Variants in PLXDC1 observed in about 807,000 individuals in gnomAD.
PLXDC1 encodes plexin domain containing 1, also known as plexin domain-containing protein 1.
In PLXDC1, 39 loss-of-function variants were observed where a neutral mutation model predicts 61.3. The observed-to-expected ratio is 0.64, with a 90% CI of 0.49 to 0.83. PLXDC1 has a LOEUF of 0.83. Ranked by LOEUF, PLXDC1 falls within the 40% of genes least tolerant of loss-of-function variation. The pLI, the probability that PLXDC1 is intolerant of heterozygous loss-of-function variation, is 0.00. For synonymous variants in PLXDC1, 212 were observed against 254.5 expected, an observed-to-expected ratio of 0.83 and a Z score of 1.59; for missense variants, 596 against 666.5, an observed-to-expected ratio of 0.89 and a Z score of 1.17.
At chr17:39,095,116 C>T (rs745383510) in intron 7 of PLXDC1, among the ~76,000 whole-genome samples, 12 of 152,014 alleles carry the variant, frequency 7.9e-5, no homozygotes, top group African/African-American at 2.7e-4. Context: ...CCCCACCATC[C>T]GGGCTGGGGG....
intron 2 of PLXDC1, among the ~76,000 whole-genome samples, chr17:39,123,198 CT>C (rs1436562280): frequency 1.3e-5 from 2 of 151,996 alleles, no homozygotes; most frequent in African/African-American, 4.8e-5. Flanking sequence ...TGCAAGGTTC[CT>C]CTTTTTTTGA....
intron 2 of PLXDC1, among the ~76,000 whole-genome samples, chr17:39,117,592 A>C (rs556934258): frequency 6.6e-6 from 1 of 151,994 alleles, no homozygotes; most frequent in African/African-American, 2.4e-5. Context: ...AAATGCAAAA[A>C]TTAGCTGGGC....
At chr17:39,076,832 T>C (rs1909356677) in intron 11 of PLXDC1, among the ~76,000 whole-genome samples, 1 of 152,068 alleles carries the variant, frequency 6.6e-6, no homozygotes, top group Non-Finnish European at 1.5e-5. Flanking sequence ...ATCTCCCAGG[T>C]TTAAGCAATT....
rs542420879 is a variant in PLXDC1 at position 39,122,079 on chromosome 17, A to G, written c.256-12688T>C. 6.4e-4 allele frequency among the ~76,000 whole-genome samples: 78 copies of G among 122,534 alleles called. 1 individual carries two copies. In the South Asian group the frequency reaches 0.024, roughly 37 times the overall value. 80.4% of individuals were successfully genotyped at this position (122,534 alleles called of 152,430 possible). On this transcript the variant is annotated intron_variant, in intron 2 of 13. Coordinates refer to ENST00000315392, the MANE Select transcript of PLXDC1 (RefSeq NM_020405.5). ...GCCACTGCATTCTAGCCTGGTTGAC[A>G]GTTCAAGACTCTGTCAAAAAAAAAA...
intron 7 of PLXDC1, among the ~76,000 whole-genome samples, chr17:39,095,362 G>A (rs1365266191): frequency 2.4e-3 from 4 of 1,670 alleles, no homozygotes; most frequent in Non-Finnish European, 4.0e-3. Context: ...GAATCCTTAC[G>A]CCCCGCCCCC....
chr17:39,147,109 C>T (rs1186228687), intron 1 of PLXDC1, among the ~76,000 whole-genome samples: 1 of 151,936 alleles, frequency 6.6e-6, no homozygotes, highest in African/African-American at 2.4e-5. Flanking sequence ...GCATGTACCA[C>T]CACGCCCAGC....
chr17:39,086,556 G>T (rs756258822), intron 8 of PLXDC1, among the ~76,000 whole-genome samples: 1 of 152,110 alleles, frequency 6.6e-6, no homozygotes, highest in African/African-American at 2.4e-5. Flanking sequence ...CACTGGACAT[G>T]GTGGCTCACG....
At chr17:39,087,801 A>C in intron 7 of PLXDC1, 99 bp from the exon 8 acceptor site, 1 of 801,502 alleles carries the variant, frequency 1.2e-6, no homozygotes, top group Non-Finnish European at 2.1e-6. Context: ...GCTGCACTGA[A>C]GGCAGTAAGT....
chr17:39,139,814 C>T lies in PLXDC1; in HGVS notation c.95G>A (p.Gly32Asp). Residue 32 changes from glycine to aspartate, a missense_variant, in exon 2 of 14, where the codon GGC becomes GAC. Gly to Asp is a moderately conservative substitution (Grantham distance 94). Coordinates refer to ENST00000315392, the MANE Select transcript of PLXDC1 (RefSeq NM_020405.5). ...GGTCCCTTTGGCAGCCCATCCAGAG[C>T]CTGGGCCCTCATCGTGACCTGGGAG... ...QPGAGHDEGP[G>D]SGWAAKGTVR... The T allele has an allele frequency of 6.2e-7, 1 of 1,607,086 alleles. No homozygotes were observed. The highest frequency in any genetic ancestry group is 8.5e-7 in the Non-Finnish European group (1 of 1,175,642).
chr17:39,124,261 C>A (rs1911252440), intron 2 of PLXDC1, among the ~76,000 whole-genome samples: 3 of 152,244 alleles, frequency 2.0e-5, no homozygotes, highest in African/African-American at 7.2e-5. Flanking sequence ...TCTGCATCAA[C>A]ACGTCACTCA....
In PLXDC1 at chr17:39,064,218, A is replaced by C. The variant is rs1417520115; in HGVS notation, c.*3622T>G. ...TTTATTTTTAAACAAATGCAGTGGG[A>C]TGATCATAGCTCTCTGCAGCCTTGA... On this transcript the variant is annotated 3_prime_UTR_variant, in exon 14 of 14. Coordinates refer to ENST00000315392, the MANE Select transcript of PLXDC1 (RefSeq NM_020405.5). 3.3e-5 allele frequency: 5 copies of C among 152,222 alleles called. No individual in the cohort carries two copies. The highest frequency in any genetic ancestry group is 6.5e-5 in the Admixed American group (1 of 15,280). The allele number at this position is 152,222 out of a possible 1,614,324, so 9.4% of individuals were successfully genotyped here. A position where few individuals can be genotyped will look rare whatever the true frequency, so the allele number is the denominator to read the frequency against.
At chr17:39,106,189 G>A (rs189810514) in intron 6 of PLXDC1, among the ~76,000 whole-genome samples, 6 of 152,088 alleles carry the variant, frequency 3.9e-5, no homozygotes, top group South Asian at 2.1e-4. Flanking sequence ...CCGGAAACCC[G>A]GGACATACCC....
intron 13 of PLXDC1, among the ~76,000 whole-genome samples, chr17:39,069,167 A>G (rs1375439937): frequency 1.3e-5 from 2 of 152,050 alleles, no homozygotes; most frequent in Non-Finnish European, 2.9e-5. Flanking sequence ...GTGCAGTGGT[A>G]TGGTCAGGGC....
At chr17:39,117,565 C>G (rs3785745) in intron 2 of PLXDC1, among the ~76,000 whole-genome samples, 48,599 of 129,680 alleles carry the variant, frequency 0.37, 8,216 homozygotes, top group Admixed American at 0.46. Flanking sequence ...ACCCTCCCCC[C>G]AAGTCTACAA....
intron 2 of PLXDC1, among the ~76,000 whole-genome samples, chr17:39,124,268 C>A (rs540569286): frequency 6.6e-6 from 1 of 152,356 alleles, no homozygotes; most frequent in South Asian, 2.1e-4. Flanking sequence ...CAACACGTCA[C>A]TCATTTTTGT....
At chr17:39,107,297 T>C in intron 6 of PLXDC1, 110 bp downstream of exon 6, 2 of 683,688 alleles carry the variant, frequency 2.9e-6, no homozygotes, top group Non-Finnish European at 5.1e-6. Flanking sequence ...TGTTAACTGC[T>C]GTATTACCAG....
At chr17:39,151,892 C>A (rs945681112), upstream of PLXDC1, among the ~76,000 whole-genome samples, 1 of 152,190 alleles carries the variant, frequency 6.6e-6, no homozygotes, top group African/African-American at 2.4e-5. This position sits in a 1 kb window ranked among gnomAD's most constrained non-coding sequence, Gnocchi z 5.2. Flanking sequence ...TCCTGGCTCC[C>A]TTTCCCTCCT....
Position 39,122,470 on chromosome 17 carries a change from C to T in PLXDC1, c.256-13079G>A, listed in dbSNP as rs1911196304. 2.0e-5 allele frequency among the ~76,000 whole-genome samples: 3 copies of T among 150,458 alleles called. 1 individual carries two copies. The South Asian group carries it at 6.4e-4, about 32-fold the overall frequency. On this transcript the variant is annotated intron_variant, in intron 2 of 13. Transcript: ENST00000315392. ...TGATGGTGGGAGCTGAAATAGCCAT[C>T]TTGAGCTACAAAATGGAAAGCACAT... is the stretch of plus-strand genomic sequence containing the variant.
chr17:39,063,708 T>C lies in PLXDC1; in HGVS notation c.*4132A>G. ...ATACATTGTGTTTTAGAAGGCTGGG[T>C]GCCCTCAGTCCCCAGATCTTTGAAT... On this transcript the variant is annotated 3_prime_UTR_variant, in exon 14 of 14. Transcript: ENST00000315392. The C allele has an allele frequency of 1.9e-6, 1 of 528,794 alleles. No individual in the cohort carries two copies. Among genetic ancestry groups the C allele is most frequent in the Non-Finnish European group, 3.3e-6 (1 of 299,292 alleles). The allele number at this position is 528,794 out of a possible 1,614,324, so 32.8% of individuals were successfully genotyped here. A position where few individuals can be genotyped will look rare whatever the true frequency, so the allele number is the denominator to read the frequency against.
Sources: allele counts gnomAD v4.1 joint callset (sites outside exome capture counted in the v4.1 genomes callset), GRCh38; gene constraint gnomAD v4.1.1; non-coding constraint Gnocchi (gnomAD v3.1); transcripts MANE v1.5; gene names NCBI Gene and HGNC (gene_info 2026-07-23, HGNC 2026-07-21).